Variants in HEG1 observed in about 807,000 individuals in gnomAD.
The protein encoded by HEG1 is heart development protein with EGF like domains 1.
A neutral mutation model predicts 125.6 loss-of-function variants in HEG1; 56 were observed. The ratio of observed to expected loss-of-function variants is 0.45; its 90% CI spans 0.36 to 0.56. HEG1 has a LOEUF of 0.56. HEG1 is among the 20% of genes least tolerant of loss of function. HEG1 has a pLI of 0.00. For synonymous variants in HEG1, 644 were observed against 668.5 expected (o/e 0.96, Z 0.57); for missense variants, 1,523 against 1,670.0 (o/e 0.91, Z 1.53).
chr3:124,983,488 C>A (rs1320721428), intron 14 of HEG1, among the ~76,000 whole-genome samples: 1 of 148,570 alleles, frequency 6.7e-6, no homozygotes, highest in Non-Finnish European at 1.5e-5. Flanking sequence ...GTGCATGCCA[C>A]CATGCCTGGC....
Position 124,965,899 on chromosome 3 carries a change from C to G in HEG1, c.*4753G>C, listed in dbSNP as rs766273601. The G allele has an allele frequency of 2.6e-5, 4 of 152,002 alleles. No individual in the cohort carries two copies. Among genetic ancestry groups the G allele is most frequent in the Non-Finnish European group, 4.4e-5 (3 of 68,014 alleles). The allele number at this position is 152,002 out of a possible 1,614,324, so 9.4% of individuals were successfully genotyped here. ...TCATAATGGGTTTAACACAATCAAC[C>G]AGGGGCTAAGGTTTAAAGGTTTACA... On this transcript the variant is annotated 3_prime_UTR_variant, in exon 17 of 17. Transcript: ENST00000311127.
chr3:124,988,505 G>A (rs1936779642), intron 14 of HEG1, among the ~76,000 whole-genome samples: 1 of 152,186 alleles, frequency 6.6e-6, no homozygotes, highest in Admixed American at 6.6e-5. Context: ...GTGATGACTG[G>A]GGTCCATTGG....
rs969792256 is a variant in HEG1, at chr3:125,009,649, C to T, written c.3193+56G>A. 6.6e-6 allele frequency: 10 copies of T among 1,503,816 alleles called. No homozygotes were observed. The East Asian group carries it at 1.7e-4, about 25-fold the overall frequency. The allele number at this position is 1,503,816 out of a possible 1,614,324, so 93.2% of individuals were successfully genotyped here. A position where few individuals can be genotyped will look rare whatever the true frequency, so the allele number is the denominator to read the frequency against. Reference sequence around the variant, plus strand: ...TTAGCAAGAAAAATAACAAATGTTACCTTGTAAAATATATTGTGGTACGGA... The same window carrying T: ...TTAGCAAGAAAAATAACAAATGTTATCTTGTAAAATATATTGTGGTACGGA... On this transcript the variant is annotated intron_variant, in intron 8 of 16. Coordinates refer to ENST00000311127, the MANE Select transcript of HEG1 (RefSeq NM_020733.2).
At chr3:124,971,624 TG>T (rs1459388859) in intron 16 of HEG1, among the ~76,000 whole-genome samples, 2 of 152,092 alleles carry the variant, frequency 1.3e-5, no homozygotes, top group Non-Finnish European at 2.9e-5. Context: ...CCCGAGTAGC[TG>T]GGACTACAGG....
chr3:125,018,186 G>T (rs1257039889), intron 5 of HEG1, among the ~76,000 whole-genome samples: 1 of 152,160 alleles, frequency 6.6e-6, no homozygotes, highest in East Asian at 1.9e-4. Context: ...CCCTGCTACG[G>T]CATATTATTA....
intron 14 of HEG1, among the ~76,000 whole-genome samples, chr3:124,979,864 G>C (rs548099187): frequency 6.6e-6 from 1 of 152,272 alleles, no homozygotes; most frequent in African/African-American, 2.4e-5. Flanking sequence ...TGAGAATGAA[G>C]ACAGGCAACA....
intron 1 of HEG1, among the ~76,000 whole-genome samples, chr3:125,036,371 GA>G (rs1371068689): frequency 6.6e-6 from 1 of 151,918 alleles, no homozygotes; most frequent in Non-Finnish European, 1.5e-5. Flanking sequence ...TAGAGATATG[GA>G]AAAAATTACT....
Position 124,968,453 on chromosome 3 carries a change from C to G in HEG1, c.*2199G>C, listed in dbSNP as rs1936358246. 1 of 152,220 alleles carries G rather than the reference C, an allele frequency of 6.6e-6. No homozygotes were observed. Among genetic ancestry groups the G allele is most frequent in the Non-Finnish European group, 1.5e-5 (1 of 68,068 alleles). 9.4% of individuals were successfully genotyped at this position (152,220 alleles called of 1,614,324 possible). A position where few individuals can be genotyped will look rare whatever the true frequency, so the allele number is the denominator to read the frequency against. ...CAAAATAAAACACTCTTAATCCACTCCATACGGAAGAAACCCATGAACAAG... is the reference window on the plus strand; with the variant it reads ...CAAAATAAAACACTCTTAATCCACTGCATACGGAAGAAACCCATGAACAAG... On this transcript the variant is annotated 3_prime_UTR_variant, in exon 17 of 17. Coordinates refer to ENST00000311127, the MANE Select transcript of HEG1 (RefSeq NM_020733.2).
intron 8 of HEG1, 185 bp downstream of exon 8, chr3:125,009,520 T>C (rs1937119782): frequency 2.1e-6 from 1 of 470,168 alleles, no homozygotes; most frequent in Non-Finnish European, 3.7e-6. Flanking sequence ...AAAAACATAA[T>C]GCAAAGTAGG....
At position 125,054,504 on chromosome 3, in the gene HEG1, A is replaced by G. The variant is rs1361138903; in HGVS notation, c.316+1071T>C. On this transcript the variant is annotated intron_variant, in intron 1 of 16. Transcript: ENST00000311127. ...CTAATTCACGTGCCAGAAAGTCTGCATGAGATGAGAAACTTAAATGAATTG... is the reference window on the plus strand; with the variant it reads ...CTAATTCACGTGCCAGAAAGTCTGCGTGAGATGAGAAACTTAAATGAATTG... 2.0e-5 allele frequency among the ~76,000 whole-genome samples: 3 copies of G among 152,376 alleles called. No individual in the cohort carries two copies. The East Asian group carries it at 5.8e-4, about 29-fold the overall frequency.
chr3:124,998,053 G>A (rs1022031426), intron 11 of HEG1, among the ~76,000 whole-genome samples: 5 of 152,106 alleles, frequency 3.3e-5, no homozygotes, highest in Non-Finnish European at 5.9e-5. Flanking sequence ...AGTGTTCCCC[G>A]TTGAAAACAC....
At chr3:124,976,135 T>A (rs746363188) in intron 15 of HEG1, among the ~76,000 whole-genome samples, 1 of 152,202 alleles carries the variant, frequency 6.6e-6, no homozygotes. Flanking sequence ...TATGGGGGAT[T>A]CTGATTTTTC....
chr3:125,038,801 C>T (rs989999415), intron 1 of HEG1, among the ~76,000 whole-genome samples: 5 of 152,112 alleles, frequency 3.3e-5, no homozygotes, highest in African/African-American at 1.2e-4. Flanking sequence ...AGAAGAGAAA[C>T]GGCCCTGGAG....
At chr3:125,031,383 T>C (rs1937495287) in intron 1 of HEG1, among the ~76,000 whole-genome samples, 1 of 152,082 alleles carries the variant, frequency 6.6e-6, no homozygotes, top group Admixed American at 6.5e-5. Context: ...CAATATCAAA[T>C]ATGGGTGCCA....
chr3:125,016,925 G>T (rs1937257296), intron 5 of HEG1, among the ~76,000 whole-genome samples: 1 of 152,196 alleles, frequency 6.6e-6, no homozygotes, highest in African/African-American at 2.4e-5. Context: ...TTGACAAATT[G>T]GACTTCTTCA....
chr3:125,009,509 C>A, intron 8 of HEG1, 196 bp downstream of exon 8: 1 of 434,932 alleles, frequency 2.3e-6, no homozygotes, highest in Non-Finnish European at 4.1e-6. Flanking sequence ...TACTGCACAT[C>A]AAAAACATAA....
At chr3:125,037,014 G>T (rs1227295243) in intron 1 of HEG1, among the ~76,000 whole-genome samples, 2 of 152,178 alleles carry the variant, frequency 1.3e-5, no homozygotes, top group Non-Finnish European at 2.9e-5. Flanking sequence ...GTTTATCACA[G>T]AATTGTTTAT....
chr3:125,020,253 C>T (rs959557154), intron 4 of HEG1, among the ~76,000 whole-genome samples: 1 of 152,084 alleles, frequency 6.6e-6, no homozygotes, highest in Admixed American at 6.5e-5. Flanking sequence ...TTGCAAGACC[C>T]CATCTCTACA....
chr3:124,973,570 T>C (rs559873506), intron 16 of HEG1, among the ~76,000 whole-genome samples, 161 bp downstream of exon 16: 232 of 152,330 alleles, frequency 1.5e-3, no homozygotes, highest in Non-Finnish European at 2.3e-3. Context: ...ATAAGTACCA[T>C]GCAAATAGAC....
Sources: gnomAD v4.1 joint callset for allele counts (sites outside exome capture counted in the v4.1 genomes callset) on GRCh38, gnomAD v4.1.1 for gene constraint, MANE v1.5 for transcripts, NCBI Gene and HGNC (gene_info 2026-07-23, HGNC 2026-07-21) for gene names.